Variants in HEATR4 observed in about 807,000 individuals in gnomAD.
HEATR4 encodes the protein HEAT repeat-containing protein 4.
Under a neutral mutation model 108.8 loss-of-function variants are expected in HEATR4, and 95 were observed. That is an observed-to-expected ratio of 0.87 (90% CI 0.74 to 1.04). The LOEUF is 1.04. Ranked by LOEUF, HEATR4 falls within the 50% of genes least tolerant of loss-of-function variation. The probability of loss-of-function intolerance (pLI) is 0.00; values close to 1 mark genes in which losing one functional copy is unlikely to be tolerated. For synonymous variants in HEATR4, 443 were observed against 459.4 expected (o/e 0.96, Z 0.46); for missense variants, 1,152 against 1,253.8 (o/e 0.92, Z 1.23).
At chr14:73,627,556 G>C in the HEATR4 span, among the ~76,000 whole-genome samples, 1 of 152,136 alleles carries the variant, frequency 6.6e-6, no homozygotes. Flanking sequence ...TACTATAAAG[G>C]ATATTACAAG....
the HEATR4 span, among the ~76,000 whole-genome samples, chr14:73,584,095 C>T: frequency 1.3e-5 from 2 of 151,864 alleles, no homozygotes; most frequent in East Asian, 3.9e-4. Context: ...TATACAACTT[C>T]CTACACACAC....
At chr14:73,519,432 G>A (rs187188121) in intron 4 of HEATR4, among the ~76,000 whole-genome samples, 2 of 152,314 alleles carry the variant, frequency 1.3e-5, no homozygotes, top group South Asian at 2.1e-4. Context: ...GGGAGCCAAG[G>A]ATGGTGATTT....
intron 14 of HEATR4, 76 bp downstream of exon 14, chr14:73,498,079 G>T: frequency 2.2e-6 from 3 of 1,371,910 alleles, no homozygotes; most frequent in Non-Finnish European, 3.0e-6. Flanking sequence ...TGGAAAGGCA[G>T]GGACATATTC....
the HEATR4 span, among the ~76,000 whole-genome samples, chr14:73,631,266 T>G: frequency 1.3e-5 from 2 of 152,036 alleles, no homozygotes; most frequent in Non-Finnish European, 2.9e-5. Flanking sequence ...TTAATTAAGA[T>G]AGAATAGTAG....
chr14:73,625,830 C>A, the HEATR4 span, among the ~76,000 whole-genome samples: 1 of 152,174 alleles, frequency 6.6e-6, no homozygotes. Context: ...CCTCAGGCCT[C>A]CCTATTCCCT....
the HEATR4 span, among the ~76,000 whole-genome samples, chr14:73,631,128 G>A: frequency 6.6e-6 from 1 of 151,976 alleles, no homozygotes; most frequent in Non-Finnish European, 1.5e-5. Flanking sequence ...TAGATAAATG[G>A]GATAAGATTT....
the HEATR4 span, chr14:73,569,679 G>A: frequency 3.1e-6 from 5 of 1,609,102 alleles, no homozygotes; most frequent in African/African-American, 4.0e-5. Context: ...CTGGGCCTTG[G>A]AGCCCGAGAA....
chr14:73,553,105 G>C lies in HEATR4; in HGVS notation c.-152+5646C>G, dbSNP rs1889347246. 3.5e-5 allele frequency among the ~76,000 whole-genome samples: 4 copies of C among 115,824 alleles called. 2 individuals carry two copies. The South Asian group carries it at 1.1e-3, about 31-fold the overall frequency. 76.0% of individuals were successfully genotyped at this position (115,824 alleles called of 152,430 possible). A position where few individuals can be genotyped will look rare whatever the true frequency, so the allele number is the denominator to read the frequency against. ...TCAGGGCAAGGACAGGTCAGCACCAGGGCTGGTGCCCCACCCCGAAGGACA... is the reference window on the plus strand; with the variant it reads ...TCAGGGCAAGGACAGGTCAGCACCACGGCTGGTGCCCCACCCCGAAGGACA... On this transcript the variant is annotated intron_variant, in intron 1 of 17. Transcript: ENST00000553558.
the HEATR4 span, chr14:73,593,572 G>A: frequency 3.9e-6 from 3 of 759,778 alleles, no homozygotes; most frequent in Non-Finnish European, 4.2e-6. Context: ...TGAACTCCTG[G>A]CCTCAAGCAA....
At chr14:73,590,119 T>C in the HEATR4 span, among the ~76,000 whole-genome samples, 2 of 152,174 alleles carry the variant, frequency 1.3e-5, no homozygotes, top group Non-Finnish European at 2.9e-5. Flanking sequence ...CACTGCTAGC[T>C]CTGGCAGCCT....
the HEATR4 span, chr14:73,610,875 A>G: frequency 6.6e-6 from 1 of 152,158 alleles, no homozygotes; most frequent in Non-Finnish European, 1.5e-5. Flanking sequence ...ATGTCTTTCA[A>G]TGCTTTAACC....
At chr14:73,488,208 A>G (rs1021199635) in intron 17 of HEATR4, among the ~76,000 whole-genome samples, 17 of 152,280 alleles carry the variant, frequency 1.1e-4, no homozygotes, top group Middle Eastern at 3.4e-3. Context: ...GTGGGAGGTG[A>G]TTAGATCATG....
At chr14:73,620,480 G>A in the HEATR4 span, among the ~76,000 whole-genome samples, 1 of 152,146 alleles carries the variant, frequency 6.6e-6, no homozygotes, top group Non-Finnish European at 1.5e-5. Flanking sequence ...GTATTGCTCT[G>A]GAGTCTCATA....
intron 3 of HEATR4, 120 bp downstream of exon 3, chr14:73,522,152 T>G: frequency 2.9e-6 from 3 of 1,022,164 alleles, no homozygotes; most frequent in Non-Finnish European, 4.4e-6. Flanking sequence ...AGGCCGGTGG[T>G]GGAGAACATG....
At chr14:73,519,250 A>G in intron 4 of HEATR4, 87 bp from the exon 5 acceptor site, 1 of 1,403,654 alleles carries the variant, frequency 7.1e-7, no homozygotes, top group Non-Finnish European at 9.7e-7. Context: ...ATCAGACCCA[A>G]CTTCCTTTTG....
the HEATR4 span, chr14:73,580,594 C>T: frequency 2.7e-5 from 4 of 150,476 alleles, no homozygotes; most frequent in Non-Finnish European, 3.0e-5. Flanking sequence ...TAGGAGTTGT[C>T]GGGTGGCGTG....
chr14:73,616,690 CAAAA>C, the HEATR4 span: 1 of 182,360 alleles, frequency 5.5e-6, no homozygotes, highest in African/African-American at 2.4e-5. Flanking sequence ...GTGAGACTGT[CAAAA>C]AAAAATTTTT....
At chr14:73,595,227 G>A in the HEATR4 span, 2 of 1,614,210 alleles carry the variant, frequency 1.2e-6, no homozygotes, top group Admixed American at 3.3e-5. Flanking sequence ...TATGACCTGA[G>A]GAGAATCAAG....
At chr14:73,578,913 A>G in the HEATR4 span, among the ~76,000 whole-genome samples, 2 of 151,778 alleles carry the variant, frequency 1.3e-5, no homozygotes, top group Admixed American at 6.6e-5. Flanking sequence ...GTGAAACCCC[A>G]TCTCTACTAA....
Sources: allele counts gnomAD v4.1 joint callset (sites outside exome capture counted in the v4.1 genomes callset), GRCh38; gene constraint gnomAD v4.1.1; transcripts MANE v1.5; gene names NCBI Gene and HGNC (gene_info 2026-07-23, HGNC 2026-07-21).